Variants in DAAM1 observed in about 807,000 individuals in gnomAD.
DAAM1 encodes dishevelled associated activator of morphogenesis 1.
Under a neutral mutation model 130.0 loss-of-function variants are expected in DAAM1, and 52 were observed. The ratio of observed to expected loss-of-function variants is 0.40; its 90% CI spans 0.32 to 0.50. The LOEUF (loss-of-function observed/expected upper bound fraction) is 0.50, where lower values mean the gene tolerates loss of function less well. DAAM1 is among the 20% of genes least tolerant of loss of function. The pLI is 0.61. For synonymous variants in DAAM1, 452 were observed against 444.5 expected, an observed-to-expected ratio of 1.02 and a Z score of -0.21; for missense variants, 1,134 against 1,303.8, an observed-to-expected ratio of 0.87 and a Z score of 2.01.
intron 1 of DAAM1, among the ~76,000 whole-genome samples, chr14:59,244,853 C>A (rs889515887): frequency 6.6e-6 from 1 of 152,098 alleles, no homozygotes; most frequent in Non-Finnish European, 1.5e-5. Flanking sequence ...GTGACACTAC[C>A]CAGTGAGGTG....
intron 1 of DAAM1, among the ~76,000 whole-genome samples, chr14:59,205,923 T>G (rs1404216537): frequency 2.0e-5 from 3 of 152,122 alleles, no homozygotes; most frequent in African/African-American, 7.2e-5. Context: ...TTTGTTTCTG[T>G]TTTTTTGAGA....
chr14:59,323,230 G>T lies in DAAM1; in HGVS notation c.774+5G>T. On this transcript the variant is annotated splice_donor_5th_base_variant and intron_variant, in intron 6 of 24. Transcript: ENST00000360909. The stretch of plus-strand genomic sequence containing the variant: ...AGCGAAAGGACCCGCTTTCAGGTGG[G>T]TGTTCGCTCAGCCTTCTTCACTCAC... The T allele has an allele frequency of 6.3e-7, 1 of 1,591,932 alleles. No individual in the cohort carries two copies. The highest frequency in any genetic ancestry group is 8.6e-7 in the Non-Finnish European group (1 of 1,167,322).
At chr14:59,354,062 A>T (rs2139672404) in intron 19 of DAAM1, 98 bp downstream of exon 19, 4 of 884,004 alleles carry the variant, frequency 4.5e-6, no homozygotes, top group Non-Finnish European at 6.6e-6. Flanking sequence ...CCCCTTGGTG[A>T]TTTTTTTTTT....
At chr14:59,292,225 C>T (rs1310242994) in intron 3 of DAAM1, among the ~76,000 whole-genome samples, 1 of 152,214 alleles carries the variant, frequency 6.6e-6, no homozygotes, top group Admixed American at 6.5e-5. Context: ...CTCCATCAGG[C>T]AGTGGACACT....
At chr14:59,309,288 C>G (rs1884486490) in intron 3 of DAAM1, among the ~76,000 whole-genome samples, 1 of 152,198 alleles carries the variant, frequency 6.6e-6, no homozygotes, top group African/African-American at 2.4e-5. Context: ...AATATAGATT[C>G]AGGGAGCAGT....
intron 2 of DAAM1, among the ~76,000 whole-genome samples, chr14:59,279,969 A>G (rs1312271475): frequency 6.6e-6 from 1 of 152,232 alleles, no homozygotes; most frequent in Non-Finnish European, 1.5e-5. Flanking sequence ...AATGGCCAGT[A>G]AACATGTGAA....
At chr14:59,197,160 T>C (rs1887925433) in intron 1 of DAAM1, among the ~76,000 whole-genome samples, 1 of 152,238 alleles carries the variant, frequency 6.6e-6, no homozygotes, top group South Asian at 2.1e-4. Context: ...GACCTCGTGA[T>C]CCGCCCGACT....
At chr14:59,305,180 G>A (rs1425283505) in intron 3 of DAAM1, among the ~76,000 whole-genome samples, 1 of 152,178 alleles carries the variant, frequency 6.6e-6, no homozygotes, top group Non-Finnish European at 1.5e-5. Flanking sequence ...ATTGTACCTG[G>A]GTCTTTAGCA....
At chr14:59,303,422 T>C (rs556440243) in intron 3 of DAAM1, among the ~76,000 whole-genome samples, 3 of 152,132 alleles carry the variant, frequency 2.0e-5, no homozygotes, top group Non-Finnish European at 4.4e-5. Context: ...TGTGCTAGAG[T>C]GATGCATACC....
chr14:59,259,789 A>G (rs1027007200), intron 1 of DAAM1, among the ~76,000 whole-genome samples: 23 of 152,228 alleles, frequency 1.5e-4, no homozygotes, highest in Non-Finnish European at 2.9e-4. Context: ...TCACGCCTGT[A>G]ATCCCAGCAC....
intron 11 of DAAM1, 108 bp downstream of exon 11, chr14:59,326,756 C>A: frequency 6.5e-7 from 1 of 1,535,702 alleles, no homozygotes; most frequent in South Asian, 1.3e-5. Flanking sequence ...TTCTAGGGGT[C>A]AAATATGAGT....
At chr14:59,306,004 T>G (rs1043943347) in intron 3 of DAAM1, among the ~76,000 whole-genome samples, 35 of 152,350 alleles carry the variant, frequency 2.3e-4, no homozygotes, top group Non-Finnish European at 3.5e-4. Context: ...ACTGTATCTT[T>G]ACTTTGAAGT....
chr14:59,368,513 T>G (rs1887013814), intron 24 of DAAM1, 137 bp from the exon 25 acceptor site: 1 of 857,410 alleles, frequency 1.2e-6, no homozygotes, highest in Admixed American at 3.1e-5. Flanking sequence ...CCCTTTCTTG[T>G]GATATCCAAA....
chr14:59,292,281 A>G (rs1594804033), intron 3 of DAAM1, among the ~76,000 whole-genome samples: 1 of 152,160 alleles, frequency 6.6e-6, no homozygotes, highest in African/African-American at 2.4e-5. Context: ...AAACTATACA[A>G]TAATCCAATA....
At chr14:59,353,452 G>A (rs1215485473) in intron 18 of DAAM1, among the ~76,000 whole-genome samples, 1 of 152,222 alleles carries the variant, frequency 6.6e-6, no homozygotes, top group Admixed American at 6.5e-5. Context: ...TAAGAAATTT[G>A]GAATTTGGGA....
intron 4 of DAAM1, among the ~76,000 whole-genome samples, chr14:59,319,257 A>C (rs1594819091): frequency 6.6e-6 from 1 of 152,290 alleles, no homozygotes; most frequent in African/African-American, 2.4e-5. Flanking sequence ...GATTTTAAAG[A>C]CCGAAAAAAC....
At chr14:59,351,379 A>AT (rs1299299665) in intron 17 of DAAM1, among the ~76,000 whole-genome samples, 1 of 152,068 alleles carries the variant, frequency 6.6e-6, no homozygotes, top group Non-Finnish European at 1.5e-5. Context: ...CCTACGTGAG[A>AT]TTTTTAAGGT....
intron 5 of DAAM1, among the ~76,000 whole-genome samples, chr14:59,321,358 A>G (rs1885000563): frequency 6.6e-6 from 1 of 152,218 alleles, no homozygotes; most frequent in African/African-American, 2.4e-5. Context: ...AAAATTAGCT[A>G]GTGTTGTTGG....
intron 2 of DAAM1, among the ~76,000 whole-genome samples, chr14:59,278,204 T>G (rs1380714474): frequency 6.6e-6 from 1 of 152,074 alleles, no homozygotes; most frequent in Non-Finnish European, 1.5e-5. Context: ...TGAAGTGAGG[T>G]GAATGACATA....
Sources: allele counts gnomAD v4.1 joint callset (sites outside exome capture counted in the v4.1 genomes callset), GRCh38; gene constraint gnomAD v4.1.1; transcripts MANE v1.5; gene names NCBI Gene and HGNC (gene_info 2026-07-23, HGNC 2026-07-21).